RAB28: variants seen among roughly 807,000 people sequenced by gnomAD.
The protein encoded by RAB28 is RAB28, member RAS oncogene family, also known as ras-related protein Rab-28.
A neutral mutation model predicts 31.7 loss-of-function variants in RAB28; 24 were observed. The observed-to-expected ratio is 0.76, with a 90% CI of 0.55 to 1.06. The LOEUF is 1.06. RAB28 is among the 50% of genes least tolerant of loss of function. The pLI is 0.00. For missense variants in RAB28, 254 were observed against 258.5 expected, an observed-to-expected ratio of 0.98 and a Z score of 0.12; for synonymous variants, 100 against 90.4, an observed-to-expected ratio of 1.11 and a Z score of -0.60.
At chr4:13,416,888 G>A (rs1405099243) in intron 4 of RAB28, among the ~76,000 whole-genome samples, 1 of 152,182 alleles carries the variant, frequency 6.6e-6, no homozygotes, top group African/African-American at 2.4e-5. Context: ...GGACTGGTAG[G>A]ACAGTGGATG....
chr4:13,415,539 C>A (rs1379909131), intron 4 of RAB28, among the ~76,000 whole-genome samples: 1 of 152,096 alleles, frequency 6.6e-6, no homozygotes, highest in Non-Finnish European at 1.5e-5. Context: ...AGCACCCAGG[C>A]CAGTGGCTGC....
chr4:13,473,855 T>C (rs201928851), intron 3 of RAB28: 2 of 371,408 alleles, frequency 5.4e-6, no homozygotes, highest in African/African-American at 2.2e-5. Context: ...TGATAGAAAA[T>C]ACAGACATGT....
chr4:13,423,126 A>G (rs1371017845), intron 4 of RAB28, among the ~76,000 whole-genome samples: 1 of 152,208 alleles, frequency 6.6e-6, no homozygotes, highest in East Asian at 1.9e-4. Flanking sequence ...ATGAAAAAGC[A>G]AACAAAGCAG....
rs148750786 is a variant in RAB28, at chr4:13,467,699, G to A, written c.261+6619C>T. On this transcript the variant is annotated intron_variant, in intron 3 of 6. Coordinates refer to ENST00000330852, the MANE Select transcript of RAB28 (RefSeq NM_001017979.3). ...GAGAGAAAATACTCAAATAAAACCA[G>A]AGAAAGCAGAAAAAGAGGGGATAAG... Among the ~76,000 whole-genome samples, 694 of 151,974 alleles carry A rather than the reference G, an allele frequency of 4.6e-3. 5 individuals are homozygous for A. Among genetic ancestry groups the A allele is most frequent in the African/African-American group, 0.016 (662 of 41,498 alleles).
At chr4:13,394,668 G>C (rs1015893650) in intron 4 of RAB28, among the ~76,000 whole-genome samples, 2 of 152,074 alleles carry the variant, frequency 1.3e-5, no homozygotes, top group Admixed American at 1.3e-4. Flanking sequence ...GTACAATTGA[G>C]GAAAACAAAG....
intron 6 of RAB28, among the ~76,000 whole-genome samples, chr4:13,373,977 ATGTG>A (rs748855842): frequency 2.0e-4 from 29 of 143,486 alleles, no homozygotes; most frequent in Non-Finnish European, 3.5e-4. Context: ...GTGTGTATAT[ATGTG>A]TGTGTGTATA....
intron 2 of RAB28, among the ~76,000 whole-genome samples, chr4:13,475,985 T>C (rs1438797377): frequency 1.3e-5 from 2 of 151,496 alleles, no homozygotes; most frequent in Non-Finnish European, 3.0e-5. Flanking sequence ...TTTAGGGTTA[T>C]TTGATTACTT....
intron 4 of RAB28, among the ~76,000 whole-genome samples, chr4:13,435,092 T>C (rs1456128047): frequency 8.5e-6 from 1 of 117,076 alleles, no homozygotes; most frequent in Admixed American, 7.9e-5. Flanking sequence ...ACCAAACAAA[T>C]ACATGGAAAC....
intron 4 of RAB28, among the ~76,000 whole-genome samples, chr4:13,439,001 G>A (rs956834658): frequency 6.6e-6 from 1 of 151,968 alleles, no homozygotes; most frequent in Non-Finnish European, 1.5e-5. Flanking sequence ...TCTTATTGTG[G>A]TTTTCACTGA....
chr4:13,438,950 CT>C (rs201116553), intron 4 of RAB28, among the ~76,000 whole-genome samples: 2,083 of 152,050 alleles, frequency 0.014, 24 homozygotes, highest in Middle Eastern at 0.044. Flanking sequence ...TTATTCTATT[CT>C]TTTTTTTATT....
intron 4 of RAB28, among the ~76,000 whole-genome samples, chr4:13,400,487 T>C (rs1711685753): frequency 1.3e-5 from 2 of 152,184 alleles, no homozygotes; most frequent in Non-Finnish European, 2.9e-5. Context: ...CATTTAGGTC[T>C]TGTTTTATCA....
At chr4:13,422,763 G>A (rs1043958257) in intron 4 of RAB28, among the ~76,000 whole-genome samples, 1 of 151,864 alleles carries the variant, frequency 6.6e-6, no homozygotes, top group South Asian at 2.1e-4. Flanking sequence ...GATGGGGGAC[G>A]GGGGAGGGAT....
At chr4:13,406,092 G>T (rs566034272) in intron 4 of RAB28, among the ~76,000 whole-genome samples, 1 of 151,998 alleles carries the variant, frequency 6.6e-6, no homozygotes, top group East Asian at 1.9e-4. Flanking sequence ...ATGGTGGTTT[G>T]CTGCACCCAT....
At chr4:13,453,932 C>T (rs1257629414) in intron 4 of RAB28, among the ~76,000 whole-genome samples, 1 of 152,158 alleles carries the variant, frequency 6.6e-6, no homozygotes, top group Non-Finnish European at 1.5e-5. Flanking sequence ...CTTGTCTCTT[C>T]TCTTTTCCTT....
chr4:13,421,851 C>T (rs556359627), intron 4 of RAB28, among the ~76,000 whole-genome samples: 11 of 152,120 alleles, frequency 7.2e-5, no homozygotes, highest in Non-Finnish European at 1.3e-4. Flanking sequence ...GCAAGGACTT[C>T]GTGACTAAAA....
At position 13,368,172 on chromosome 4, in the gene RAB28, G is replaced by A. The variant is rs754744377; in HGVS notation, c.*386C>T. 4.6e-5 allele frequency: 45 copies of A among 987,932 alleles called. No homozygotes were observed. Among genetic ancestry groups the A allele is most frequent in the South Asian group, 9.3e-5 (2 of 21,414 alleles). 61.2% of individuals were successfully genotyped at this position (987,932 alleles called of 1,614,324 possible). A position where few individuals can be genotyped will look rare whatever the true frequency, so the allele number is the denominator to read the frequency against. On this transcript the variant is annotated 3_prime_UTR_variant, in exon 7 of 7. Transcript: ENST00000330852. The stretch of plus-strand genomic sequence containing the variant: ...GTATACTTTGACACATACAAGTTCC[G>A]ATAAGAGAATGAAATTGCTGTGGCA...
In RAB28 at chr4:13,371,914, A is replaced by C. The variant is rs1274260060; in HGVS notation, c.574-3264T>G. ...GGGTGAATACAAGCTTAACCCTGAT[A>C]TTTTCAAAGAGCATTTGCCAAGTGT... On this transcript the variant is annotated intron_variant, in intron 6 of 6. Coordinates refer to ENST00000330852, the MANE Select transcript of RAB28 (RefSeq NM_001017979.3). 8.1e-6 allele frequency: 12 copies of C among 1,474,746 alleles called. No individual in the cohort carries two copies. In the South Asian group the frequency reaches 1.2e-4, roughly 15 times the overall value. The allele number at this position is 1,474,746 out of a possible 1,614,324, so 91.4% of individuals were successfully genotyped here.
intron 4 of RAB28, among the ~76,000 whole-genome samples, chr4:13,433,157 A>C (rs567983906): frequency 3.3e-4 from 50 of 151,776 alleles, no homozygotes; most frequent in Non-Finnish European, 5.6e-4. Context: ...AAAAGAAAAA[A>C]AAGAGCAGGG....
chr4:13,479,480 T>C lies in RAB28; in HGVS notation c.122A>G (p.Tyr41Cys). The change falls in exon 2 of 7, where the codon TAC (tyrosine) becomes TGC (cysteine). Residue 41 changes from tyrosine (Y) to cysteine (C), a missense_variant. Transcript: ENST00000330852. Reference sequence around the variant, plus strand: ...GAAATCCAGTCCTATAGTTTGTTTGTACTGTTTCCCAAAAGTTTCTTGAGC... The same window carrying C: ...GAAATCCAGTCCTATAGTTTGTTTGCACTGTTTCCCAAAAGTTTCTTGAGC... Reference protein sequence around the residue: ...CFAQETFGKQYKQTIGLDFFL... With the variant: ...CFAQETFGKQCKQTIGLDFFL... 2 of 1,609,814 alleles carry C rather than the reference T, an allele frequency of 1.2e-6. No individual in the cohort carries two copies. Among genetic ancestry groups the C allele is most frequent in the Non-Finnish European group, 1.7e-6 (2 of 1,177,180 alleles).
Sources: gnomAD v4.1 joint callset for allele counts (sites outside exome capture counted in the v4.1 genomes callset) on GRCh38, gnomAD v4.1.1 for gene constraint, MANE v1.5 for transcripts, NCBI Gene and HGNC (gene_info 2026-07-23, HGNC 2026-07-21) for gene names.